The following TNS3 variants were observed in gnomAD, a reference collection of about 807,000 sequenced individuals.
The protein encoded by TNS3 is tensin-3.
Under a neutral mutation model 140.9 loss-of-function variants are expected in TNS3, and 45 were observed. The ratio of observed to expected loss-of-function variants is 0.32; its 90% CI spans 0.25 to 0.41. TNS3 has a LOEUF of 0.41. Among genes scored for constraint, TNS3 ranks in the 10% least tolerant of loss-of-function variants. The probability of loss-of-function intolerance (pLI) is 1.00; values close to 1 mark genes in which losing one functional copy is unlikely to be tolerated. For missense variants in TNS3, 1,716 were observed against 1,906.7 expected, an observed-to-expected ratio of 0.90 and a Z score of 1.86; for synonymous variants, 815 against 788.4, an observed-to-expected ratio of 1.03 and a Z score of -0.56.
chr7:47,492,581 C>T (rs1294285636), intron 3 of TNS3, among the ~76,000 whole-genome samples: 4 of 152,262 alleles, frequency 2.6e-5, no homozygotes, highest in African/African-American at 9.6e-5. Context: ...GGCAAGGCCC[C>T]TTCTTCAGGA....
chr7:47,540,678 A>G (rs1425560111), intron 1 of TNS3, among the ~76,000 whole-genome samples: 1 of 152,248 alleles, frequency 6.6e-6, no homozygotes, highest in Non-Finnish European at 1.5e-5. Context: ...GAAGAACTCC[A>G]TGAATGGCCT....
chr7:47,404,201 T>C (rs1397885345), intron 13 of TNS3, among the ~76,000 whole-genome samples: 2 of 152,216 alleles, frequency 1.3e-5, no homozygotes, highest in African/African-American at 2.4e-5. Context: ...CATGCTATCA[T>C]AGAGCCAACC....
chr7:47,335,223 A>T (rs1788565562), intron 20 of TNS3, among the ~76,000 whole-genome samples: 1 of 152,180 alleles, frequency 6.6e-6, no homozygotes, highest in South Asian at 2.1e-4. Context: ...TACATTCAAC[A>T]GACGGACGAT....
intron 20 of TNS3, among the ~76,000 whole-genome samples, chr7:47,311,935 T>G (rs1487415738): frequency 6.6e-6 from 1 of 152,240 alleles, no homozygotes; most frequent in Non-Finnish European, 1.5e-5. Context: ...TTGTCCATTT[T>G]GGGGGAAAGG....
chr7:47,497,808 T>C (rs553609025), intron 3 of TNS3, among the ~76,000 whole-genome samples: 164 of 152,288 alleles, frequency 1.1e-3, no homozygotes, highest in Non-Finnish European at 1.8e-3. Context: ...CCTCGAGCTA[T>C]ATGGGGCTCC....
intron 20 of TNS3, among the ~76,000 whole-genome samples, chr7:47,338,471 C>T (rs923429796): frequency 6.6e-5 from 10 of 152,214 alleles, no homozygotes; most frequent in African/African-American, 2.2e-4. Flanking sequence ...GCCACCTCTA[C>T]GTCCTCTTCA....
intron 1 of TNS3, among the ~76,000 whole-genome samples, chr7:47,555,944 AC>A (rs1800183597): frequency 6.6e-6 from 1 of 152,274 alleles, no homozygotes; most frequent in Non-Finnish European, 1.5e-5. Flanking sequence ...GCCTGCACAC[AC>A]ATAATACACA....
Position 47,292,035 on chromosome 7 carries a change from G to A in TNS3, c.3851-3C>T. On this transcript the variant is annotated splice_region_variant and splice_polypyrimidine_tract_variant and intron_variant, in intron 26 of 30. Transcript: ENST00000311160. Reference sequence around the variant, plus strand: ...TTCTGCTATTTCCTCCAATGGATCTGTAGGAAGGGGCAAGAAAATACAGAA... The same window carrying A: ...TTCTGCTATTTCCTCCAATGGATCTATAGGAAGGGGCAAGAAAATACAGAA... 1 of 1,614,006 alleles carries A rather than the reference G, an allele frequency of 6.2e-7. No homozygotes were observed. Among genetic ancestry groups the A allele is most frequent in the Middle Eastern group, 1.6e-4 (1 of 6,062 alleles).
chr7:47,456,295 G>T (rs779605381), intron 4 of TNS3, among the ~76,000 whole-genome samples: 3 of 152,064 alleles, frequency 2.0e-5, no homozygotes, highest in Non-Finnish European at 4.4e-5. Flanking sequence ...ATCAGCAATG[G>T]GGGGAGTATT....
At chr7:47,289,206 C>A (rs536055430) in intron 27 of TNS3, among the ~76,000 whole-genome samples, 20 of 152,250 alleles carry the variant, frequency 1.3e-4, no homozygotes, top group Middle Eastern at 3.4e-3. Flanking sequence ...ATTTCATACA[C>A]CTTCATTGTG....
chr7:47,353,992 AAC>A (rs10598998), intron 17 of TNS3, among the ~76,000 whole-genome samples: 13,392 of 143,356 alleles, frequency 0.093, 705 homozygotes, highest in African/African-American at 0.16. Flanking sequence ...CAGAGGACAA[AAC>A]ACACACACAC....
intron 1 of TNS3, among the ~76,000 whole-genome samples, chr7:47,569,412 T>C (rs1800501940): frequency 6.6e-6 from 1 of 151,220 alleles, no homozygotes; most frequent in Non-Finnish European, 1.5e-5. Context: ...GGTGTGGTGA[T>C]GGGCGCCTGT....
At chr7:47,572,407 C>T (rs891307548) in intron 1 of TNS3, among the ~76,000 whole-genome samples, 2 of 152,226 alleles carry the variant, frequency 1.3e-5, no homozygotes, top group African/African-American at 4.8e-5. Flanking sequence ...AATGAATGAT[C>T]GTGTGTTCTG....
chr7:47,407,457 C>T lies in TNS3; in HGVS notation c.723+4270G>A, dbSNP rs769474083. Among the ~76,000 whole-genome samples the T allele has an allele frequency of 2.0e-5, 3 of 152,204 alleles. No homozygotes were observed. Among genetic ancestry groups the T allele is most frequent in the Admixed American group, 6.5e-5 (1 of 15,288 alleles). The stretch of plus-strand genomic sequence containing the variant: ...GTCCACCGCATCTTCTCATGCAGGC[C>T]GCACGCTGAACGTGCTCAGGATAAA... On this transcript the variant is annotated intron_variant, in intron 13 of 30. Coordinates refer to ENST00000311160, the MANE Select transcript of TNS3 (RefSeq NM_022748.12). This position sits in a 1 kb window ranked among gnomAD's most constrained non-coding sequence, Gnocchi z 4.1.
chr7:47,356,384 T>C (rs1391297409), intron 17 of TNS3, among the ~76,000 whole-genome samples: 1 of 152,200 alleles, frequency 6.6e-6, no homozygotes, highest in East Asian at 1.9e-4. Context: ...CAACCCTGAA[T>C]TAGCACTGCA....
chr7:47,429,549 A>T (rs1794825981), intron 8 of TNS3, among the ~76,000 whole-genome samples: 1 of 152,078 alleles, frequency 6.6e-6, no homozygotes, highest in African/African-American at 2.4e-5. Flanking sequence ...TTGTATTTTT[A>T]GTAGAGATGG....
chr7:47,555,230 G>C (rs1422063678), intron 1 of TNS3, among the ~76,000 whole-genome samples: 1 of 150,868 alleles, frequency 6.6e-6, no homozygotes, highest in Non-Finnish European at 1.5e-5. Context: ...GTGAAACCCT[G>C]TCTCTACTAA....
At chr7:47,332,702 T>G (rs1367269311) in intron 20 of TNS3, among the ~76,000 whole-genome samples, 3 of 152,218 alleles carry the variant, frequency 2.0e-5, no homozygotes, top group Non-Finnish European at 4.4e-5. Flanking sequence ...AGGCTGAAAT[T>G]TTCATTTTTA....
In TNS3 at chr7:47,369,034, C is replaced by G. The variant is rs369436222; in HGVS notation, c.1612G>C (p.Val538Leu). 1.2e-6 allele frequency: 2 copies of G among 1,614,016 alleles called. No homozygotes were observed. Residue 538 changes from valine (V) to leucine (L), a missense_variant, in exon 17 of 31, where the codon GTT becomes CTT. Val to Leu is a conservative substitution (Grantham distance 32, BLOSUM62 1). Coordinates refer to ENST00000311160, the MANE Select transcript of TNS3 (RefSeq NM_022748.12). ...NVGEDPQGTL[V>L]PDLGLGMDGP... ...TCCATGCCAAGGCCCAGGTCCGGAACGAGGGTGCCCTGCGGATCTTCACCA... is the reference window on the plus strand; with the variant it reads ...TCCATGCCAAGGCCCAGGTCCGGAAGGAGGGTGCCCTGCGGATCTTCACCA...
Sources: allele counts gnomAD v4.1 joint callset (sites outside exome capture counted in the v4.1 genomes callset), GRCh38; gene constraint gnomAD v4.1.1; non-coding constraint Gnocchi (gnomAD v3.1); transcripts MANE v1.5; gene names NCBI Gene and HGNC (gene_info 2026-07-23, HGNC 2026-07-21).